The following SCAPER variants were observed in gnomAD, a reference collection of about 807,000 sequenced individuals.
SCAPER encodes the protein S phase cyclin A-associated protein in the endoplasmic reticulum.
Under a neutral mutation model 182.2 loss-of-function variants are expected in SCAPER, and 98 were observed. The observed-to-expected ratio is 0.54, with a 90% CI of 0.46 to 0.64. The LOEUF (loss-of-function observed/expected upper bound fraction) is 0.64. Among genes scored for constraint, SCAPER ranks in the 30% least tolerant of loss-of-function variants. The pLI is 0.00. For synonymous variants in SCAPER, 605 were observed against 564.6 expected (o/e 1.07, Z -1.01); for missense variants, 1,432 against 1,690.0 (o/e 0.85, Z 2.68).
chr15:76,831,526 G>A (rs1046294493), intron 5 of SCAPER, among the ~76,000 whole-genome samples: 3 of 150,270 alleles, frequency 2.0e-5, no homozygotes, highest in Admixed American at 6.6e-5. Flanking sequence ...TGTTCTGTTG[G>A]TGTACACCAA....
chr15:76,717,858 A>G (rs772804854), intron 17 of SCAPER, among the ~76,000 whole-genome samples: 1 of 152,164 alleles, frequency 6.6e-6, no homozygotes, highest in Non-Finnish European at 1.5e-5. Context: ...AGGGACTTCA[A>G]TACCCCACTG....
chr15:76,710,771 T>G (rs1355441292), intron 17 of SCAPER, among the ~76,000 whole-genome samples: 3 of 152,120 alleles, frequency 2.0e-5, no homozygotes, highest in Non-Finnish European at 4.4e-5. Context: ...ACCTAAAATT[T>G]ATATGGAAAG....
intron 22 of SCAPER, among the ~76,000 whole-genome samples, chr15:76,614,048 A>G (rs1024658144): frequency 6.6e-6 from 1 of 152,238 alleles, no homozygotes; most frequent in African/African-American, 2.4e-5. Context: ...TGTATACACC[A>G]TGGAATATAA....
chr15:76,496,517 G>C (rs1004653446), intron 24 of SCAPER, among the ~76,000 whole-genome samples: 1 of 152,008 alleles, frequency 6.6e-6, no homozygotes, highest in African/African-American at 2.4e-5. Context: ...TCTTTTCTTT[G>C]ATTCTGAAGA....
chr15:76,882,447 C>A (rs913563143), intron 2 of SCAPER, among the ~76,000 whole-genome samples: 3 of 151,606 alleles, frequency 2.0e-5, no homozygotes, highest in South Asian at 4.2e-4. Context: ...AGACTTCTAT[C>A]CCCTCTAAGA....
intron 20 of SCAPER, among the ~76,000 whole-genome samples, chr15:76,700,636 C>G (rs1324569742): frequency 6.6e-6 from 1 of 152,154 alleles, no homozygotes; most frequent in Non-Finnish European, 1.5e-5. Context: ...GTGGGAGATG[C>G]TCTTCCTGGC....
intron 21 of SCAPER, among the ~76,000 whole-genome samples, chr15:76,639,030 CCTGT>C (rs2053879417): frequency 6.6e-6 from 1 of 152,006 alleles, no homozygotes; most frequent in Admixed American, 6.6e-5. Context: ...ATAGAAAATG[CCTGT>C]CTTGTTTTTA....
At chr15:76,879,315 C>T (rs2151946315) in intron 2 of SCAPER, among the ~76,000 whole-genome samples, 1 of 152,264 alleles carries the variant, frequency 6.6e-6, no homozygotes, top group South Asian at 2.1e-4. Flanking sequence ...GTTGGGGTCC[C>T]TTGTGGTTCT....
rs60716949 is a variant in SCAPER at position 76,561,020 on chromosome 15, CATTT to C, written c.2838+13134_2838+13137del. Among the ~76,000 whole-genome samples the C allele has an allele frequency of 3.6e-3, 545 of 152,136 alleles. 2 individuals carry two copies. The highest frequency in any genetic ancestry group is 0.013 in the African/African-American group (523 of 41,498). ...GGATCCATACACGGGCAATTTCTCTCATTTTTTTTTAGTGTCATTATTTCCGAGA... is the reference window on the plus strand; with the variant it reads ...GGATCCATACACGGGCAATTTCTCTCTTTTTTAGTGTCATTATTTCCGAGA... On this transcript the variant is annotated intron_variant, in intron 23 of 31. Coordinates refer to ENST00000563290, the MANE Select transcript of SCAPER (RefSeq NM_020843.4).
In SCAPER at chr15:76,703,011, G is replaced by C; in HGVS notation, c.2248-9C>G. The C allele has an allele frequency of 6.5e-7, 1 of 1,529,134 alleles. No individual in the cohort carries two copies. The highest frequency in any genetic ancestry group is 2.5e-5 in the East Asian group (1 of 40,524). The allele number at this position is 1,529,134 out of a possible 1,614,324, so 94.7% of individuals were successfully genotyped here. ...CGAATACTTTCATCATGCTGTAGAT[G>C]AAGTCAAAGTGCAAGAATTTCAAAA... is the stretch of plus-strand genomic sequence containing the variant. On this transcript the variant is annotated splice_polypyrimidine_tract_variant and intron_variant, in intron 18 of 31. Transcript: ENST00000563290.
At chr15:76,796,254 C>T (rs1355959938) in intron 7 of SCAPER, among the ~76,000 whole-genome samples, 1 of 152,030 alleles carries the variant, frequency 6.6e-6, no homozygotes, top group East Asian at 1.9e-4. Flanking sequence ...ATTTAATGCA[C>T]AATTCTCCTT....
intron 25 of SCAPER, among the ~76,000 whole-genome samples, chr15:76,442,715 A>C (rs2047701708): frequency 6.6e-6 from 1 of 152,196 alleles, no homozygotes; most frequent in Non-Finnish European, 1.5e-5. Flanking sequence ...CAGAAAGGTT[A>C]AGCAACTTAC....
At chr15:76,559,206 T>A (rs866375661) in intron 23 of SCAPER, among the ~76,000 whole-genome samples, 1,525 of 140,098 alleles carry the variant, frequency 0.011, 18 homozygotes, top group Non-Finnish European at 0.014. Flanking sequence ...AGCTAATTTT[T>A]TTTTTTTTTT....
At chr15:76,494,450 G>A (rs1014581704) in intron 24 of SCAPER, among the ~76,000 whole-genome samples, 1 of 152,016 alleles carries the variant, frequency 6.6e-6, no homozygotes, top group Admixed American at 6.6e-5. Context: ...CAATAAACCA[G>A]TACAAAAACA....
chr15:76,629,754 A>G (rs2052926468), intron 21 of SCAPER, among the ~76,000 whole-genome samples: 1 of 152,194 alleles, frequency 6.6e-6, no homozygotes, highest in African/African-American at 2.4e-5. Flanking sequence ...TTTTGGTATC[A>G]GGATGGTGCT....
chr15:76,395,739 T>C (rs575147143), intron 27 of SCAPER, among the ~76,000 whole-genome samples: 4 of 152,336 alleles, frequency 2.6e-5, no homozygotes, highest in Admixed American at 2.0e-4. Context: ...TTATATATTC[T>C]AGTTGTTAAT....
intron 24 of SCAPER, among the ~76,000 whole-genome samples, chr15:76,503,036 A>G (rs996613313): frequency 2.0e-5 from 3 of 151,632 alleles, no homozygotes; most frequent in African/African-American, 7.3e-5. Flanking sequence ...GCTTAGTGTC[A>G]TGCACGTTGA....
intron 21 of SCAPER, among the ~76,000 whole-genome samples, chr15:76,653,744 C>T (rs1386245585): frequency 6.6e-6 from 1 of 152,170 alleles, no homozygotes; most frequent in Non-Finnish European, 1.5e-5. Flanking sequence ...CCTCAAGCTA[C>T]AAAAATTCTA....
chr15:76,365,675 T>C (rs2041760575), intron 29 of SCAPER, among the ~76,000 whole-genome samples: 1 of 152,194 alleles, frequency 6.6e-6, no homozygotes, highest in African/African-American at 2.4e-5. Flanking sequence ...TTTTGAATAT[T>C]TGCATTATCT....
Sources: allele counts gnomAD v4.1 joint callset (sites outside exome capture counted in the v4.1 genomes callset), GRCh38; gene constraint gnomAD v4.1.1; transcripts MANE v1.5; gene names NCBI Gene and HGNC (gene_info 2026-07-23, HGNC 2026-07-21).